The following PLEKHA7 variants were observed in gnomAD, a reference collection of about 807,000 sequenced individuals.
PLEKHA7 encodes pleckstrin homology domain containing A7.
A neutral mutation model predicts 170.0 loss-of-function variants in PLEKHA7; 104 were observed. That is an observed-to-expected ratio of 0.61 (90% CI 0.52 to 0.72). PLEKHA7 has a LOEUF of 0.72. Ranked by LOEUF, PLEKHA7 falls within the 30% of genes least tolerant of loss-of-function variation. PLEKHA7 has a pLI of 0.00. For synonymous variants in PLEKHA7, 648 were observed against 660.8 expected (o/e 0.98, Z 0.30); for missense variants, 1,615 against 1,671.7 (o/e 0.97, Z 0.59).
At position 16,817,192 on chromosome 11, in the gene PLEKHA7, G is replaced by T. The variant is rs768207116; in HGVS notation, c.1474C>A (p.Pro492Thr). Residue 492 changes from proline (P) to threonine (T), a missense_variant, in exon 11 of 27, where the codon CCA becomes ACA. Physicochemically the swap from Pro to Thr is conservative, Grantham distance 38 (BLOSUM62 -1). Transcript: ENST00000531066. The surrounding 1 kb of genome is among the most constrained non-coding windows in gnomAD (Gnocchi z 4.4). ...GGSSPPPRNL[P>T]SDYKYAQDRA... ...TCCTGCGCATACTTGTAGTCACTTG[G>T]CAGGTTTCGGGGAGGTGGCGAGGAG... The T allele has an allele frequency of 1.2e-6, 2 of 1,614,158 alleles. No homozygotes were observed. The highest frequency in any genetic ancestry group is 1.3e-5 in the African/African-American group (1 of 75,066).
At chr11:16,933,894 A>C (rs1860111434) in intron 3 of PLEKHA7, among the ~76,000 whole-genome samples, 1 of 152,222 alleles carries the variant, frequency 6.6e-6, no homozygotes, top group Non-Finnish European at 1.5e-5. Flanking sequence ...TAACTTGTTC[A>C]AGGCTGAGAG....
intron 19 of PLEKHA7, among the ~76,000 whole-genome samples, chr11:16,793,298 T>A (rs1847985837): frequency 6.6e-6 from 1 of 152,234 alleles, no homozygotes; most frequent in Non-Finnish European, 1.5e-5. Flanking sequence ...GCTGTTTGTT[T>A]TGGAATTTTC....
At chr11:16,873,398 G>C (rs1053318825) in intron 3 of PLEKHA7, among the ~76,000 whole-genome samples, 15 of 152,122 alleles carry the variant, frequency 9.9e-5, no homozygotes, top group African/African-American at 3.4e-4. Context: ...ATGAGGCCAG[G>C]CTGTTCCTTA....
chr11:16,936,295 G>C (rs528966326), intron 3 of PLEKHA7, among the ~76,000 whole-genome samples: 1 of 151,090 alleles, frequency 6.6e-6, no homozygotes, highest in Non-Finnish European at 1.5e-5. Flanking sequence ...CCAGCTACTC[G>C]GGAGGCTGAG....
intron 3 of PLEKHA7, among the ~76,000 whole-genome samples, chr11:16,948,093 A>T (rs1861161966): frequency 6.6e-6 from 1 of 152,232 alleles, no homozygotes; most frequent in Admixed American, 6.5e-5. Context: ...CAAATACTGC[A>T]TGATCTCAAT....
intron 9 of PLEKHA7, among the ~76,000 whole-genome samples, chr11:16,831,560 G>A (rs568096727): frequency 1.4e-4 from 21 of 152,264 alleles, no homozygotes; most frequent in African/African-American, 4.1e-4. Context: ...ATCTGAAACC[G>A]GTCACTGTTC....
intron 3 of PLEKHA7, among the ~76,000 whole-genome samples, chr11:16,982,949 T>TC (rs1377671793): frequency 2.0e-5 from 3 of 152,172 alleles, no homozygotes. Context: ...AGGCCTTTCT[T>TC]CCCTTCCTGA....
chr11:16,880,959 T>C (rs1855662482), intron 3 of PLEKHA7, among the ~76,000 whole-genome samples: 1 of 148,490 alleles, frequency 6.7e-6, no homozygotes, highest in East Asian at 2.2e-4. Flanking sequence ...GACTGAAATG[T>C]AACAACACTA....
intron 3 of PLEKHA7, among the ~76,000 whole-genome samples, chr11:16,903,378 G>T (rs1857457600): frequency 6.6e-6 from 1 of 152,198 alleles, no homozygotes; most frequent in South Asian, 2.1e-4. Context: ...TGGGATGTTT[G>T]CTCAGTTAGG....
intron 3 of PLEKHA7, among the ~76,000 whole-genome samples, chr11:16,894,591 C>G (rs1376144579): frequency 6.6e-6 from 1 of 152,190 alleles, no homozygotes; most frequent in Non-Finnish European, 1.5e-5. Flanking sequence ...CCAATCATAG[C>G]TCCACACTCG....
Position 16,797,790 on chromosome 11 carries a change from G to A in PLEKHA7, c.2410-2772C>T, listed in dbSNP as rs189092492. Among the ~76,000 whole-genome samples the A allele has an allele frequency of 5.3e-5, 8 of 152,264 alleles. No homozygotes were observed. The East Asian group carries it at 1.4e-3, about 26-fold the overall frequency. ...GAACAGGTAAAGAAAGGGATTAAAC[G>A]CAGTCCTCTTCCTCCTCCATAGCTC... On this transcript the variant is annotated intron_variant, in intron 17 of 26. Transcript: ENST00000531066.
intron 3 of PLEKHA7, among the ~76,000 whole-genome samples, chr11:17,006,203 C>G (rs560967071): frequency 2.6e-5 from 4 of 151,550 alleles, no homozygotes; most frequent in Admixed American, 2.6e-4. Context: ...AACCCCGTCT[C>G]TACTAAATTA....
rs1218942260 is a variant in PLEKHA7, at chr11:17,014,197, G to C, written c.91C>G (p.Gln31Glu). 24 of 1,588,030 alleles carry C rather than the reference G, an allele frequency of 1.5e-5. No individual in the cohort carries two copies. Among genetic ancestry groups the C allele is most frequent in the African/African-American group, 2.8e-5 (2 of 72,260 alleles). The change falls in exon 2 of 27, where the codon CAG becomes GAG. Residue 31 changes from glutamine (Q) to glutamate (E), a missense_variant. Gln to Glu is a conservative substitution (Grantham distance 29, BLOSUM62 2). Coordinates refer to ENST00000531066, the MANE Select transcript of PLEKHA7 (RefSeq NM_001329630.2). Reference sequence around the variant, plus strand: ...TGCAGCCAGGTCGTGCAGCGGAGCTGGTCACTGCGGGCAGAGAGGTGCACC... The same window carrying C: ...TGCAGCCAGGTCGTGCAGCGGAGCTCGTCACTGCGGGCAGAGAGGTGCACC... ...RDGRVFFINDQLRCTTWLHPR... is the reference protein window; with the variant it reads ...RDGRVFFINDELRCTTWLHPR...
intron 3 of PLEKHA7, among the ~76,000 whole-genome samples, chr11:17,008,715 G>T (rs1319671634): frequency 6.6e-6 from 1 of 152,208 alleles, no homozygotes; most frequent in Non-Finnish European, 1.5e-5. Flanking sequence ...TCAAGGAACA[G>T]CCTTGGCACA....
At chr11:16,877,536 G>A (rs1347976435) in intron 3 of PLEKHA7, among the ~76,000 whole-genome samples, 1 of 152,130 alleles carries the variant, frequency 6.6e-6, no homozygotes, top group Non-Finnish European at 1.5e-5. Flanking sequence ...TCATTAATGT[G>A]GCATTTCTAA....
chr11:16,808,316 G>A (rs1171990464), intron 13 of PLEKHA7, among the ~76,000 whole-genome samples: 1 of 152,142 alleles, frequency 6.6e-6, no homozygotes, highest in Non-Finnish European at 1.5e-5. Flanking sequence ...CATAGCCAGG[G>A]TTAATAATTT....
At chr11:16,919,219 G>GA (rs1371883418) in intron 3 of PLEKHA7, among the ~76,000 whole-genome samples, 2 of 151,912 alleles carry the variant, frequency 1.3e-5, no homozygotes, top group African/African-American at 2.4e-5. Context: ...TGTCTCAAAA[G>GA]AAAGAAAAGA....
At chr11:16,991,049 G>C (rs1431265178) in intron 3 of PLEKHA7, among the ~76,000 whole-genome samples, 2 of 152,210 alleles carry the variant, frequency 1.3e-5, no homozygotes, top group African/African-American at 2.4e-5. Context: ...GTGACTGGAA[G>C]CTAGTGCAGA....
At chr11:16,798,199 G>A (rs1278560175) in intron 17 of PLEKHA7, among the ~76,000 whole-genome samples, 3 of 152,244 alleles carry the variant, frequency 2.0e-5, no homozygotes, top group Non-Finnish European at 4.4e-5. Context: ...CATCTGCAGT[G>A]CTGATGATTT....
Sources: gnomAD v4.1 joint callset for allele counts (sites outside exome capture counted in the v4.1 genomes callset) on GRCh38, gnomAD v4.1.1 for gene constraint, Gnocchi (gnomAD v3.1) non-coding constraint, MANE v1.5 for transcripts, NCBI Gene and HGNC (gene_info 2026-07-23, HGNC 2026-07-21) for gene names.